Variants in SEPTIN11 observed in about 807,000 individuals in gnomAD.
The protein encoded by SEPTIN11 is septin 11.
In SEPTIN11, 25 loss-of-function variants were observed where a neutral mutation model predicts 51.4. The ratio of observed to expected loss-of-function variants is 0.49; its 90% CI spans 0.35 to 0.68. SEPTIN11 has a LOEUF of 0.68. Among genes scored for constraint, SEPTIN11 ranks in the 30% least tolerant of loss-of-function variants. The pLI is 0.00. For missense variants in SEPTIN11, 381 were observed against 520.8 expected (o/e 0.73, Z 2.61); for synonymous variants, 174 against 184.1 (o/e 0.95, Z 0.44).
At chr4:76,957,560 T>G (rs1721616770) in intron 1 of SEPTIN11, among the ~76,000 whole-genome samples, 1 of 152,178 alleles carries the variant, frequency 6.6e-6, no homozygotes, top group African/African-American at 2.4e-5. Flanking sequence ...GCCTGGAACA[T>G]TCATCCTCAA....
chr4:76,950,629 G>T (rs1169614525), intron 1 of SEPTIN11, among the ~76,000 whole-genome samples: 1 of 152,092 alleles, frequency 6.6e-6, no homozygotes, highest in Non-Finnish European at 1.5e-5. Flanking sequence ...GGGCGGGTGC[G>T]TGAAGAATCG....
At chr4:76,954,662 G>A (rs747718610) in intron 1 of SEPTIN11, among the ~76,000 whole-genome samples, 6 of 152,206 alleles carry the variant, frequency 3.9e-5, no homozygotes, top group Admixed American at 3.9e-4. Flanking sequence ...ATTGTTCCAG[G>A]CTTGACCTGA....
chr4:77,023,992 G>T (rs1447036416), intron 7 of SEPTIN11, among the ~76,000 whole-genome samples: 1 of 152,146 alleles, frequency 6.6e-6, no homozygotes, highest in African/African-American at 2.4e-5. Context: ...GTGCAGTGAA[G>T]TTCATCCTTC....
At chr4:76,982,408 A>G (rs1465609477) in intron 1 of SEPTIN11, among the ~76,000 whole-genome samples, 1 of 151,824 alleles carries the variant, frequency 6.6e-6, no homozygotes, top group East Asian at 1.9e-4. Flanking sequence ...ACGGGGTTTC[A>G]CCATGTTGGC....
Position 77,036,103 on chromosome 4 carries a change from G to C in SEPTIN11, c.*1591G>C. On this transcript the variant is annotated 3_prime_UTR_variant, in exon 10 of 10. Coordinates refer to ENST00000264893, the MANE Select transcript of SEPTIN11 (RefSeq NM_018243.4). ...TTTTCTTTGTCCTCAACCATACTTA[G>C]AGGAAAGAAGGAATGGTCTTCCATG... is the stretch of plus-strand genomic sequence containing the variant. The C allele has an allele frequency of 1.0e-6, 1 of 985,814 alleles. No individual in the cohort carries two copies. Among genetic ancestry groups the C allele is most frequent in the Non-Finnish European group, 1.2e-6 (1 of 829,986 alleles). The allele number at this position is 985,814 out of a possible 1,614,324, so 61.1% of individuals were successfully genotyped here.
downstream of SEPTIN11, chr4:77,039,127 T>C (rs1438470302): frequency 1.6e-6 from 2 of 1,288,784 alleles, no homozygotes; most frequent in East Asian, 1.1e-4. Context: ...CTAATGGACA[T>C]AGAGCATTAG....
chr4:76,957,789 C>T (rs1721628992), intron 1 of SEPTIN11, among the ~76,000 whole-genome samples: 5 of 152,078 alleles, frequency 3.3e-5, no homozygotes, highest in Admixed American at 6.5e-5. Context: ...AAGCCTCCAC[C>T]CATGAATCAC....
chr4:77,028,715 T>C lies in SEPTIN11; in HGVS notation c.1040T>C (p.Met347Thr). The C allele has an allele frequency of 6.2e-7, 1 of 1,613,810 alleles. No homozygotes were observed. The highest frequency in any genetic ancestry group is 8.5e-7 in the Non-Finnish European group (1 of 1,179,826). ...KEEEMRQMFVMRVKEKEAELK... is the reference protein window; with the variant it reads ...KEEEMRQMFVTRVKEKEAELK... ...GAAGAAATGAGACAAATGTTTGTTATGAGAGTGAAGGAGAAAGAAGCTGAA... is the reference window on the plus strand; with the variant it reads ...GAAGAAATGAGACAAATGTTTGTTACGAGAGTGAAGGAGAAAGAAGCTGAA... Residue 347 changes from methionine to threonine, a missense_variant, in exon 8 of 10, where the codon ATG becomes ACG. Met to Thr is a moderately conservative substitution (Grantham distance 81). This residue lies in a region of SEPTIN11 where 197 missense variants were observed against 313.1 expected (regional missense o/e 0.63). Transcript: ENST00000264893.
At chr4:77,001,457 C>T (rs1724118651) in intron 2 of SEPTIN11, among the ~76,000 whole-genome samples, 1 of 151,914 alleles carries the variant, frequency 6.6e-6, no homozygotes, top group Admixed American at 6.6e-5. Flanking sequence ...TCAACGGATT[C>T]TTCTGCCTCA....
In SEPTIN11 at chr4:77,034,895, T is replaced by C; in HGVS notation, c.*383T>C. 1 of 998,754 alleles carries C rather than the reference T, an allele frequency of 1.0e-6. No homozygotes were observed. Among genetic ancestry groups the C allele is most frequent in the Non-Finnish European group, 1.2e-6 (1 of 838,782 alleles). 61.9% of individuals were successfully genotyped at this position (998,754 alleles called of 1,614,324 possible). ...CGCCTCAGCAGCTGAACTAAAAACCTGAATAGCCATGACAAGAGTTTGCAT... is the reference window on the plus strand; with the variant it reads ...CGCCTCAGCAGCTGAACTAAAAACCCGAATAGCCATGACAAGAGTTTGCAT... On this transcript the variant is annotated 3_prime_UTR_variant, in exon 10 of 10. Transcript: ENST00000264893.
At chr4:77,031,146 C>G (rs925058504) in intron 9 of SEPTIN11, 176 bp downstream of exon 9, 3 of 610,340 alleles carry the variant, frequency 4.9e-6, no homozygotes, top group Admixed American at 7.5e-5. Flanking sequence ...TTAAAAGGTA[C>G]ACAAAGATTA....
chr4:77,020,424 A>G (rs1725619458), intron 6 of SEPTIN11, 78 bp from the exon 7 acceptor site: 4 of 1,531,892 alleles, frequency 2.6e-6, no homozygotes, highest in Non-Finnish European at 2.7e-6. Context: ...TGGTAATAAC[A>G]TCTTGGAAGC....
intron 1 of SEPTIN11, among the ~76,000 whole-genome samples, chr4:76,959,766 C>A (rs563961932): frequency 1.2e-3 from 186 of 152,204 alleles, no homozygotes; most frequent in Non-Finnish European, 2.3e-3. Flanking sequence ...TAAGAAACAA[C>A]TTTAATTAGC....
rs1182404150 is a variant in SEPTIN11, at chr4:76,949,892, G to C, written c.-12G>C. On this transcript the variant is annotated 5_prime_UTR_variant, in exon 1 of 10. Transcript: ENST00000264893. ...GCACCCGGGCGCAGCCGGAGCCGGT[G>C]CCGCAGCTGCGATGGCCGTGGCCGT... 2.0e-6 allele frequency: 3 copies of C among 1,528,388 alleles called. No homozygotes were observed. In the African/African-American group the frequency reaches 4.3e-5, roughly 22 times the overall value. 94.7% of individuals were successfully genotyped at this position (1,528,388 alleles called of 1,614,324 possible). A position where few individuals can be genotyped will look rare whatever the true frequency, so the allele number is the denominator to read the frequency against.
intron 6 of SEPTIN11, among the ~76,000 whole-genome samples, 196 bp downstream of exon 6, chr4:77,019,457 G>C (rs922500222): frequency 2.0e-5 from 3 of 152,202 alleles, no homozygotes; most frequent in African/African-American, 7.2e-5. Flanking sequence ...ACAATGGAGA[G>C]ACATGGCTGC....
chr4:77,039,421 T>C, downstream of SEPTIN11: 4 of 1,040,268 alleles, frequency 3.8e-6, no homozygotes, highest in Non-Finnish European at 4.6e-6. Context: ...TTCTTGAAGC[T>C]GCTGATCCAA....
intron 5 of SEPTIN11, among the ~76,000 whole-genome samples, chr4:77,016,898 C>T (rs1012175771): frequency 8.6e-5 from 13 of 151,656 alleles, no homozygotes; most frequent in African/African-American, 3.1e-4. Flanking sequence ...TTAAAGTATA[C>T]AGGAGGATGT....
At position 77,026,293 on chromosome 4, in the gene SEPTIN11, G is replaced by C. The variant is rs1334864394; in HGVS notation, c.954-2336G>C. Reference sequence around the variant, plus strand: ...AAGTTGAATAGATTCTTTTACTGAAGGGCTACTCAGAGCATTTAAGACAAG... The same window carrying C: ...AAGTTGAATAGATTCTTTTACTGAACGGCTACTCAGAGCATTTAAGACAAG... On this transcript the variant is annotated intron_variant, in intron 7 of 9. Coordinates refer to ENST00000264893, the MANE Select transcript of SEPTIN11 (RefSeq NM_018243.4). 3.3e-5 allele frequency among the ~76,000 whole-genome samples: 5 copies of C among 152,112 alleles called. No individual in the cohort carries two copies. The East Asian group carries it at 9.6e-4, about 29-fold the overall frequency.
intron 1 of SEPTIN11, among the ~76,000 whole-genome samples, chr4:76,992,841 G>A (rs970903724): frequency 6.6e-6 from 1 of 152,236 alleles, no homozygotes. Context: ...AGGAAATAAT[G>A]TGAGTAAATT....
Sources: gnomAD v4.1 joint callset for allele counts (sites outside exome capture counted in the v4.1 genomes callset) on GRCh38, gnomAD v4.1.1 for gene constraint, gnomAD v4.1.1 regional missense constraint, MANE v1.5 for transcripts, NCBI Gene and HGNC (gene_info 2026-07-23, HGNC 2026-07-21) for gene names.